The following OMA1 variants were observed in gnomAD, a reference collection of about 807,000 sequenced individuals.
OMA1 encodes OMA1 zinc metallopeptidase.
Under a neutral mutation model 30.9 loss-of-function variants are expected in OMA1, and 38 were observed. That is an observed-to-expected ratio of 1.23 (90% confidence interval 0.95 to 1.61). The LOEUF (loss-of-function observed/expected upper bound fraction) is 1.61. Among genes scored for constraint, OMA1 ranks in the 40% most tolerant of loss-of-function variants. The pLI, the probability that OMA1 is intolerant of heterozygous loss-of-function variation, is 0.00. For missense variants in OMA1, 461 were observed against 349.2 expected, an observed-to-expected ratio of 1.32 and a Z score of -2.55; for synonymous variants, 173 against 121.9, an observed-to-expected ratio of 1.42 and a Z score of -2.76.
At chr1:58,487,570 A>G (rs1037075388) in intron 8 of OMA1, among the ~76,000 whole-genome samples, 3 of 152,184 alleles carry the variant, frequency 2.0e-5, no homozygotes, top group Non-Finnish European at 4.4e-5. Flanking sequence ...TTCTGAAAAA[A>G]TTCTCCAAAT....
At chr1:58,486,669 G>C (rs1187054775) in intron 8 of OMA1, among the ~76,000 whole-genome samples, 2 of 152,186 alleles carry the variant, frequency 1.3e-5, no homozygotes, top group Non-Finnish European at 2.9e-5. Context: ...AGTACATGAA[G>C]AAACTAAAGA....
chr1:58,507,638 AT>A lies in OMA1; in HGVS notation c.1216-1430del, dbSNP rs565839401. Among the ~76,000 whole-genome samples the A allele has an allele frequency of 1.8e-3, 280 of 152,134 alleles. 2 individuals carry two copies. Among genetic ancestry groups the A allele is most frequent in the African/African-American group, 6.4e-3 (264 of 41,540 alleles). Reference sequence around the variant, plus strand: ...ATAAATGTATATAACAAACATAAATATTATTCATGTTTATACACATATAAAT... The same window carrying A: ...ATAAATGTATATAACAAACATAAATATATTCATGTTTATACACATATAAAT... On this transcript the variant is annotated intron_variant, in intron 7 of 8. Transcript: ENST00000371226.
intron 7 of OMA1, among the ~76,000 whole-genome samples, chr1:58,517,574 G>T (rs368334808): frequency 6.6e-6 from 1 of 152,034 alleles, no homozygotes; most frequent in African/African-American, 2.4e-5. Context: ...TTCTCCCATG[G>T]AATGAATGTT....
chr1:58,486,864 G>A (rs1645583826), intron 8 of OMA1, among the ~76,000 whole-genome samples: 1 of 152,190 alleles, frequency 6.6e-6, no homozygotes, highest in African/African-American at 2.4e-5. Context: ...GACATACCCT[G>A]GTCTTGTATG....
chr1:58,525,550 A>T (rs1569951104), intron 7 of OMA1, among the ~76,000 whole-genome samples: 1 of 152,158 alleles, frequency 6.6e-6, no homozygotes, highest in Admixed American at 6.5e-5. Context: ...ATTTCAAAAC[A>T]TCGAGAAAAA....
chr1:58,518,048 T>C (rs1557449896), intron 7 of OMA1, among the ~76,000 whole-genome samples: 1 of 150,584 alleles, frequency 6.6e-6, no homozygotes, highest in Non-Finnish European at 1.5e-5. Context: ...TAGCTAGGCA[T>C]GGTGGCACAT....
At chr1:58,531,800 C>T (rs1366763283) in intron 5 of OMA1, among the ~76,000 whole-genome samples, 2 of 152,204 alleles carry the variant, frequency 1.3e-5, no homozygotes, top group East Asian at 3.9e-4. Context: ...ACCTCCGCCT[C>T]CAGGTTCAAA....
chr1:58,538,517 T>C (rs1041098020), intron 2 of OMA1, among the ~76,000 whole-genome samples: 2 of 152,182 alleles, frequency 1.3e-5, no homozygotes, highest in Non-Finnish European at 2.9e-5. Context: ...CTATACAAAA[T>C]GTAAGAATAA....
chr1:58,508,922 C>T (rs1053304551), intron 7 of OMA1, among the ~76,000 whole-genome samples: 1 of 152,132 alleles, frequency 6.6e-6, no homozygotes, highest in African/African-American at 2.4e-5. Flanking sequence ...TCTGTCTCAT[C>T]TGTCTTGTAG....
In OMA1 at chr1:58,539,263, G is replaced by T; in HGVS notation, c.32C>A (p.Ala11Asp). MSFICGLQSA[A>D]RNHVFFRFNS... ...AAATCGGAAGAAAACATGGTTTCTA[G>T]CAGCAGACTGCAATCCACAGATGAA... Residue 11 changes from alanine (A) to aspartate (D), a missense_variant, in exon 2 of 9, where the codon GCT becomes GAT. Transcript: ENST00000371226. The T allele has an allele frequency of 1.2e-6, 1 of 865,048 alleles. No homozygotes were observed. 53.6% of individuals were successfully genotyped at this position (865,048 alleles called of 1,614,324 possible).
At chr1:58,501,695 C>T (rs1177023653) in intron 8 of OMA1, among the ~76,000 whole-genome samples, 1 of 152,162 alleles carries the variant, frequency 6.6e-6, no homozygotes, top group Non-Finnish European at 1.5e-5. Flanking sequence ...TTTTACACTG[C>T]TATTCCTGCA....
At chr1:58,521,066 T>C (rs1646254534) in intron 7 of OMA1, among the ~76,000 whole-genome samples, 1 of 152,144 alleles carries the variant, frequency 6.6e-6, no homozygotes, top group Admixed American at 6.5e-5. Context: ...ACCCAACCCT[T>C]TTCAAAGGAT....
chr1:58,496,783 A>G (rs1053129725), intron 8 of OMA1, among the ~76,000 whole-genome samples: 1 of 152,188 alleles, frequency 6.6e-6, no homozygotes, highest in African/African-American at 2.4e-5. Context: ...TGTCTGCAAC[A>G]TCTTTTATTC....
At chr1:58,490,559 A>T (rs1293444885) in intron 8 of OMA1, among the ~76,000 whole-genome samples, 1 of 152,204 alleles carries the variant, frequency 6.6e-6, no homozygotes, top group East Asian at 1.9e-4. Context: ...CTAGCAAGGC[A>T]GGCCAACATT....
In OMA1 at chr1:58,536,399, A is replaced by C. The variant is rs556512357; in HGVS notation, c.729+114T>G. On this transcript the variant is annotated intron_variant, in intron 3 of 8. Transcript: ENST00000371226. ...GAGGCCTTCGGGAAAAAAAAATGCT[A>C]ATTTCATATCAAAGACTAAAATTAA... 4 of 635,840 alleles carry C rather than the reference A, an allele frequency of 6.3e-6. No individual in the cohort carries two copies. In the East Asian group the frequency reaches 8.2e-5, roughly 13 times the overall value. 39.4% of individuals were successfully genotyped at this position (635,840 alleles called of 1,614,324 possible). A position where few individuals can be genotyped will look rare whatever the true frequency, so the allele number is the denominator to read the frequency against.
intron 8 of OMA1, among the ~76,000 whole-genome samples, chr1:58,487,131 C>T (rs1261753696): frequency 3.9e-5 from 6 of 152,070 alleles, no homozygotes; most frequent in Non-Finnish European, 5.9e-5. Flanking sequence ...GAAATGACTG[C>T]GGTAACTTGG....
chr1:58,482,051 G>T (rs1464579445), intron 8 of OMA1, among the ~76,000 whole-genome samples: 2 of 152,174 alleles, frequency 1.3e-5, no homozygotes, highest in Non-Finnish European at 2.9e-5. Flanking sequence ...ACATTGCAAA[G>T]GAAGGAAAAG....
intron 7 of OMA1, among the ~76,000 whole-genome samples, chr1:58,509,173 A>T (rs1557446334): frequency 6.6e-6 from 1 of 152,164 alleles, no homozygotes; most frequent in Non-Finnish European, 1.5e-5. Flanking sequence ...ATAAACAGAG[A>T]AATATGTACC....
Position 58,518,236 on chromosome 1 carries a change from AGG to A in OMA1, c.1215+9023_1215+9024del, listed in dbSNP as rs1179513730. Among the ~76,000 whole-genome samples, 20 of 3,966 alleles carry A rather than the reference AGG, an allele frequency of 5.0e-3. 1 individual carries two copies. Among genetic ancestry groups the A allele is most frequent in the South Asian group, 0.019 (1 of 54 alleles). The allele number at this position is 3,966 out of a possible 152,430, so 2.6% of individuals were successfully genotyped here. On this transcript the variant is annotated intron_variant, in intron 7 of 8. Coordinates refer to ENST00000371226, the MANE Select transcript of OMA1 (RefSeq NM_145243.5). ...GGAGAGGGGAGAGGGGAGAGGGGAG[AGG>A]GGAGAGGGGAGAGGGGAGAGGGGAG...
Sources: gnomAD v4.1 joint callset for allele counts (sites outside exome capture counted in the v4.1 genomes callset) on GRCh38, gnomAD v4.1.1 for gene constraint, MANE v1.5 for transcripts, NCBI Gene and HGNC (gene_info 2026-07-23, HGNC 2026-07-21) for gene names.